Variants in FGF5 observed in about 807,000 individuals in gnomAD.
FGF5 encodes fibroblast growth factor 5.
FGF5 carries 23 observed loss-of-function variants against 21.8 expected under a neutral mutation model. That is an observed-to-expected ratio of 1.05 (90% CI 0.76 to 1.49). The LOEUF (loss-of-function observed/expected upper bound fraction) is 1.49, where lower values mean the gene tolerates loss of function less well. FGF5 is among the 40% of genes most tolerant of loss of function. The pLI is 0.00. For synonymous variants in FGF5, 158 were observed against 124.0 expected (o/e 1.27, Z -1.82); for missense variants, 352 against 332.9 (o/e 1.06, Z -0.45).
chr4:80,269,662 G>A (rs537724393), intron 1 of FGF5, among the ~76,000 whole-genome samples: 40 of 152,248 alleles, frequency 2.6e-4, no homozygotes, highest in Non-Finnish European at 5.1e-4. Context: ...ACCTTTCAGA[G>A]TTTAGTTTCT....
At chr4:80,281,320 G>A (rs1245387086) in intron 2 of FGF5, among the ~76,000 whole-genome samples, 2 of 152,168 alleles carry the variant, frequency 1.3e-5, no homozygotes, top group Non-Finnish European at 2.9e-5. Flanking sequence ...AGGGGAATTA[G>A]AAGTGATGCA....
At chr4:80,268,535 A>C in intron 1 of FGF5, 1 of 986,154 alleles carries the variant, frequency 1.0e-6, no homozygotes, top group Non-Finnish European at 1.2e-6. Flanking sequence ...GGCAGCCAGC[A>C]GTCTCCAGAG....
In FGF5 at chr4:80,290,870, A is replaced by G. The variant is rs1007455921; in HGVS notation, c.*4198A>G. On this transcript the variant is annotated 3_prime_UTR_variant, in exon 3 of 3. Transcript: ENST00000312465. Reference sequence around the variant, plus strand: ...ATGTCCCTACAAAGAACATGAACTCATCATTTTTTATGGCTGCATAGTATT... The same window carrying G: ...ATGTCCCTACAAAGAACATGAACTCGTCATTTTTTATGGCTGCATAGTATT... 1.3e-5 allele frequency: 2 copies of G among 152,190 alleles called. No homozygotes were observed. Among genetic ancestry groups the G allele is most frequent in the African/African-American group, 4.8e-5 (2 of 41,454 alleles). The allele number at this position is 152,190 out of a possible 1,614,324, so 9.4% of individuals were successfully genotyped here. A position where few individuals can be genotyped will look rare whatever the true frequency, so the allele number is the denominator to read the frequency against.
intron 2 of FGF5, among the ~76,000 whole-genome samples, chr4:80,282,442 T>C (rs557925650): frequency 2.0e-5 from 3 of 152,192 alleles, no homozygotes; most frequent in African/African-American, 7.2e-5. Flanking sequence ...TATGGTTTGT[T>C]GAATGTAACC....
chr4:80,286,540 A>G lies in FGF5; in HGVS notation c.675A>G (p.Pro225=), dbSNP rs1190323890. 6.2e-7 allele frequency: 1 copy of G among 1,611,134 alleles called. No individual in the cohort carries two copies. The highest frequency in any genetic ancestry group is 1.1e-5 in the South Asian group (1 of 90,886). ...CAAGATTCAAGCAGTCGGAGCAGCC[A>G]GAACTTTCTTTCACGGTTACTGTTC... is the stretch of plus-strand genomic sequence containing the variant. ...FLPRFKQSEQ[P]ELSFTVTVPE... is the part of the protein sequence containing the mutation. Residue 225 remains proline (P), a synonymous_variant, in exon 3 of 3, where the codon CCA becomes CCG. Transcript: ENST00000312465.
Position 80,271,553 on chromosome 4 carries a change from C to T in FGF5, c.356-3356C>T, listed in dbSNP as rs34088720. Among the ~76,000 whole-genome samples the T allele has an allele frequency of 3.0e-3, 458 of 152,182 alleles. 2 individuals are homozygous for T. Among genetic ancestry groups the T allele is most frequent in the Middle Eastern group, 0.01 (3 of 294 alleles). On this transcript the variant is annotated intron_variant, in intron 1 of 2. Coordinates refer to ENST00000312465, the MANE Select transcript of FGF5 (RefSeq NM_004464.4). Reference sequence around the variant, plus strand: ...CGTGCCTTCTCAAGCAGGAGAAGGCCACAGTAGCAGGAGAGTACTAAGACA... The same window carrying T: ...CGTGCCTTCTCAAGCAGGAGAAGGCTACAGTAGCAGGAGAGTACTAAGACA...
At chr4:80,274,566 G>A (rs1187539714) in intron 1 of FGF5, among the ~76,000 whole-genome samples, 2 of 152,026 alleles carry the variant, frequency 1.3e-5, no homozygotes, top group African/African-American at 2.4e-5. Flanking sequence ...AACAATGGAG[G>A]AGAATTATTT....
chr4:80,279,181 C>T (rs1280225067), intron 2 of FGF5, among the ~76,000 whole-genome samples: 1 of 152,168 alleles, frequency 6.6e-6, no homozygotes, highest in African/African-American at 2.4e-5. Flanking sequence ...AGGCTGAATC[C>T]TACTCTACCA....
At chr4:80,271,606 T>C (rs972105159) in intron 1 of FGF5, among the ~76,000 whole-genome samples, 1 of 152,080 alleles carries the variant, frequency 6.6e-6, no homozygotes, top group East Asian at 1.9e-4. Context: ...ATGCATGGGG[T>C]GTCCTGACAA....
intron 2 of FGF5, among the ~76,000 whole-genome samples, chr4:80,283,932 T>G (rs1363065729): frequency 6.6e-6 from 1 of 152,220 alleles, no homozygotes; most frequent in Non-Finnish European, 1.5e-5. Flanking sequence ...ATTATCTAAT[T>G]AAATGGGAAA....
intron 1 of FGF5, among the ~76,000 whole-genome samples, chr4:80,267,473 C>T (rs1720129776): frequency 6.6e-6 from 1 of 152,196 alleles, no homozygotes; most frequent in African/African-American, 2.4e-5. Context: ...AGACGAGTCC[C>T]CAGCCATGAC....
Position 80,287,491 on chromosome 4 carries a change from A to C in FGF5, c.*819A>C, listed in dbSNP as rs1028729672. Reference sequence around the variant, plus strand: ...GAATTAAATGTGGGAGGTAAGGAAAAGGATTTAGAGGTAAAAGTACACTAA... The same window carrying C: ...GAATTAAATGTGGGAGGTAAGGAAACGGATTTAGAGGTAAAAGTACACTAA... On this transcript the variant is annotated 3_prime_UTR_variant, in exon 3 of 3. Transcript: ENST00000312465. 3.9e-5 allele frequency: 6 copies of C among 152,190 alleles called. No homozygotes were observed. The highest frequency in any genetic ancestry group is 3.8e-4 in the East Asian group (2 of 5,200). The allele number at this position is 152,190 out of a possible 1,614,324, so 9.4% of individuals were successfully genotyped here.
At chr4:80,277,025 T>C (rs1291148220) in intron 2 of FGF5, among the ~76,000 whole-genome samples, 1 of 152,142 alleles carries the variant, frequency 6.6e-6, no homozygotes, top group Non-Finnish European at 1.5e-5. Flanking sequence ...AGCTTAAGGA[T>C]AATTGCCACA....
At position 80,274,876 on chromosome 4, in the gene FGF5, C is replaced by T. The variant is rs766243312; in HGVS notation, c.356-33C>T. ...TCTTCACAATGATATAAATAAGAGC[C>T]TGTGTTTTATTTTGGGATTTCTGTC... On this transcript the variant is annotated intron_variant, in intron 1 of 2. Transcript: ENST00000312465. The T allele has an allele frequency of 4.6e-6, 4 of 866,070 alleles. No individual in the cohort carries two copies. In the African/African-American group the frequency reaches 5.1e-5, roughly 11 times the overall value. The allele number at this position is 866,070 out of a possible 1,614,324, so 53.6% of individuals were successfully genotyped here. A position where few individuals can be genotyped will look rare whatever the true frequency, so the allele number is the denominator to read the frequency against.
intron 2 of FGF5, among the ~76,000 whole-genome samples, chr4:80,277,156 A>T (rs1720436022): frequency 6.6e-6 from 1 of 150,724 alleles, no homozygotes; most frequent in South Asian, 2.1e-4. Flanking sequence ...ATGTCTAAGG[A>T]TGGCTGGTTG....
At chr4:80,278,143 G>A (rs1720464125) in intron 2 of FGF5, among the ~76,000 whole-genome samples, 1 of 152,012 alleles carries the variant, frequency 6.6e-6, no homozygotes, top group South Asian at 2.1e-4. Flanking sequence ...ATTTTGTTTG[G>A]AATCAATTAC....
chr4:80,267,778 CAGAT>C (rs770836664), intron 1 of FGF5, among the ~76,000 whole-genome samples: 54 of 126,956 alleles, frequency 4.3e-4, no homozygotes, highest in Non-Finnish European at 7.7e-4. Context: ...GATAGACAGA[CAGAT>C]AGATAACTAG....
At position 80,271,280 on chromosome 4, in the gene FGF5, T is replaced by TA. The variant is rs1322438039; in HGVS notation, c.356-3628dup. 2.0e-5 allele frequency among the ~76,000 whole-genome samples: 3 copies of TA among 152,310 alleles called. No homozygotes were observed. The East Asian group carries it at 5.8e-4, about 29-fold the overall frequency. ...AAAAATCTAGAAATATGTTTTTTTT[T>TA]ACGGAAGTAAGCTTACATCATAATG... On this transcript the variant is annotated intron_variant, in intron 1 of 2. Coordinates refer to ENST00000312465, the MANE Select transcript of FGF5 (RefSeq NM_004464.4).
intron 1 of FGF5, among the ~76,000 whole-genome samples, chr4:80,269,113 G>A (rs1720197139): frequency 6.7e-6 from 1 of 149,304 alleles, no homozygotes; most frequent in African/African-American, 2.6e-5. Context: ...GAGCAAGTTA[G>A]GAACATCTAG....
Sources: gnomAD v4.1 joint callset for allele counts (sites outside exome capture counted in the v4.1 genomes callset) on GRCh38, gnomAD v4.1.1 for gene constraint, MANE v1.5 for transcripts, NCBI Gene and HGNC (gene_info 2026-07-23, HGNC 2026-07-21) for gene names.